The following NAALADL2 variants were observed in gnomAD, a reference collection of about 807,000 sequenced individuals.
NAALADL2 encodes N-acetylated alpha-linked acidic dipeptidase like 2.
In NAALADL2, 76 loss-of-function variants were observed where a neutral mutation model predicts 87.2. That is an observed-to-expected ratio of 0.87 (90% CI 0.72 to 1.05). The LOEUF is 1.05. Ranked by LOEUF, NAALADL2 falls within the 50% of genes least tolerant of loss-of-function variation. NAALADL2 has a pLI of 0.00. For missense variants in NAALADL2, 1,089 were observed against 945.8 expected (o/e 1.15, Z -1.99); for synonymous variants, 354 against 331.0 (o/e 1.07, Z -0.75).
Position 175,156,258 on chromosome 3 carries a change from A to C in NAALADL2, c.545+58967A>C, listed in dbSNP as rs577348360. Reference sequence around the variant, plus strand: ...TGAAGAGAATCATGGATTTAAAATGAGACCAGAATGCTTTTGATGCATGTT... The same window carrying C: ...TGAAGAGAATCATGGATTTAAAATGCGACCAGAATGCTTTTGATGCATGTT... On this transcript the variant is annotated intron_variant, in intron 2 of 13. Coordinates refer to ENST00000454872, the MANE Select transcript of NAALADL2 (RefSeq NM_207015.3). Among the ~76,000 whole-genome samples, 32 of 152,272 alleles carry C rather than the reference A, an allele frequency of 2.1e-4. No individual in the cohort carries two copies. The South Asian group carries it at 6.0e-3, about 29-fold the overall frequency.
intron 1 of NAALADL2, among the ~76,000 whole-genome samples, chr3:175,040,915 A>C (rs1754005850): frequency 6.6e-6 from 1 of 152,154 alleles, no homozygotes; most frequent in African/African-American, 2.4e-5. Flanking sequence ...ATGCCTGAGC[A>C]CACAGCAAGT....
Position 174,757,561 on chromosome 3 carries a change from G to A in NAALADL2, c.-9+19815G>A, listed in dbSNP as rs531891347. ...GGCTGGAGTGCAGTGGCATGATCTC[G>A]GCTCACTGCAAAGTCCGCCTCCTGG... On this transcript the variant is annotated intron_variant, in intron 3 of 3. Coordinates refer to the NAALADL2 transcript ENST00000434257. Among the ~76,000 whole-genome samples, 42 of 151,800 alleles carry A rather than the reference G, an allele frequency of 2.8e-4. No individual in the cohort carries two copies. The East Asian group carries it at 6.8e-3, about 24-fold the overall frequency.
intron 11 of NAALADL2, among the ~76,000 whole-genome samples, chr3:175,638,543 G>T (rs993638389): frequency 1.3e-5 from 2 of 151,928 alleles, no homozygotes; most frequent in African/African-American, 4.8e-5. Context: ...CCTAGACCTT[G>T]TGTCTTAAGT....
chr3:175,063,461 T>C (rs1713942957), intron 1 of NAALADL2, among the ~76,000 whole-genome samples: 1 of 151,610 alleles, frequency 6.6e-6, no homozygotes, highest in South Asian at 2.1e-4. Flanking sequence ...AAAATATATA[T>C]AAACAGCCTG....
In NAALADL2 at chr3:175,487,495, A is replaced by G. The variant is rs1230266484; in HGVS notation, c.1653+15737A>G. The G allele has an allele frequency of 8.8e-6, 4 of 456,534 alleles. No individual in the cohort carries two copies. In the Admixed American group the frequency reaches 9.4e-5, roughly 11 times the overall value. 28.3% of individuals were successfully genotyped at this position (456,534 alleles called of 1,614,324 possible). ...TGCCCATCCAAAGCACTATCCATGA[A>G]CTAAGAGCAGATTTCTGTGTTTCTT... On this transcript the variant is annotated intron_variant, in intron 9 of 13. Coordinates refer to ENST00000454872, the MANE Select transcript of NAALADL2 (RefSeq NM_207015.3).
At chr3:175,718,707 C>G in intron 11 of NAALADL2, 3 of 1,468,324 alleles carry the variant, frequency 2.0e-6, no homozygotes, top group South Asian at 1.2e-5. Context: ...TGGAAGATCA[C>G]TTGAGGCGTG....
chr3:175,000,409 T>C (rs1167955653), intron 1 of NAALADL2, among the ~76,000 whole-genome samples: 1 of 152,182 alleles, frequency 6.6e-6, no homozygotes, highest in African/African-American at 2.4e-5. Context: ...TTTTCAACTT[T>C]GCTGGGCATA....
intron 3 of NAALADL2, among the ~76,000 whole-genome samples, chr3:174,818,793 GT>G (rs2109322274): frequency 6.6e-6 from 1 of 152,216 alleles, no homozygotes; most frequent in South Asian, 2.1e-4. Context: ...TTAGCAATAA[GT>G]TTAATGGCAT....
intron 11 of NAALADL2, chr3:175,676,531 A>G (rs1347054127): frequency 1.3e-5 from 2 of 152,166 alleles, no homozygotes; most frequent in East Asian, 1.9e-4. Flanking sequence ...TTCTTCATGC[A>G]GAATCAGAGC....
chr3:174,821,151 G>C (rs1721376634), intron 3 of NAALADL2, among the ~76,000 whole-genome samples: 1 of 152,120 alleles, frequency 6.6e-6, no homozygotes, highest in Admixed American at 6.5e-5. Flanking sequence ...TAAATAGTTT[G>C]GAGAAGGAAC....
chr3:174,486,666 A>G (rs1045593164), intron 1 of NAALADL2, among the ~76,000 whole-genome samples: 7 of 151,744 alleles, frequency 4.6e-5, no homozygotes, highest in Non-Finnish European at 7.4e-5. Flanking sequence ...TCTGCTTTTT[A>G]CTCTTTGTTA....
chr3:175,097,156 T>C lies in NAALADL2; in HGVS notation c.410T>C (p.Ile137Thr), dbSNP rs1358097038. Residue 137 changes from isoleucine (I) to threonine (T), a missense_variant, in exon 2 of 14, where the codon ATT becomes ACT. By Grantham distance (89) the Ile-to-Thr change is moderately conservative. Transcript: ENST00000454872. Reference sequence around the variant, plus strand: ...CTTTGCACAGCCACCATTTTATTTATTTTTGGGATTTTGATAGGTTATTAT... The same window carrying C: ...CTTTGCACAGCCACCATTTTATTTACTTTTGGGATTTTGATAGGTTATTAT... ...KILCTATILFIFGILIGYYVH... is the reference protein window; with the variant it reads ...KILCTATILFTFGILIGYYVH... 6 of 1,613,610 alleles carry C rather than the reference T, an allele frequency of 3.7e-6. No individual in the cohort carries two copies. The highest frequency in any genetic ancestry group is 5.1e-6 in the Non-Finnish European group (6 of 1,179,694).
intron 3 of NAALADL2, among the ~76,000 whole-genome samples, chr3:174,798,053 C>A (rs914242176): frequency 6.6e-6 from 1 of 152,054 alleles, no homozygotes; most frequent in Admixed American, 6.6e-5. Context: ...AATGGAAGAC[C>A]AACTGTGTTC....
chr3:174,793,514 C>T (rs188943182), intron 3 of NAALADL2, among the ~76,000 whole-genome samples: 1 of 152,180 alleles, frequency 6.6e-6, no homozygotes, highest in East Asian at 1.9e-4. Context: ...AAATCACCAC[C>T]AAAGCTGTGG....
chr3:175,759,011 A>C (rs9833195), intron 13 of NAALADL2, among the ~76,000 whole-genome samples: 27,866 of 152,110 alleles, frequency 0.18, 3,211 homozygotes, highest in African/African-American at 0.33. Flanking sequence ...AATAAAAGTG[A>C]CACTAAACAC....
chr3:174,613,589 C>T (rs964067726), intron 2 of NAALADL2, among the ~76,000 whole-genome samples: 2 of 152,170 alleles, frequency 1.3e-5, no homozygotes, highest in Non-Finnish European at 2.9e-5. Context: ...GGGACAACTG[C>T]CAGGCTACTG....
At chr3:174,658,194 A>T (rs763733096) in intron 2 of NAALADL2, among the ~76,000 whole-genome samples, 7 of 152,174 alleles carry the variant, frequency 4.6e-5, no homozygotes, top group Admixed American at 2.6e-4. Context: ...AGAAACCACC[A>T]AACTGTCTTC....
chr3:175,073,578 AT>A (rs1168419720), intron 1 of NAALADL2, among the ~76,000 whole-genome samples: 6 of 151,934 alleles, frequency 3.9e-5, no homozygotes, highest in Non-Finnish European at 7.4e-5. Flanking sequence ...TTCGAGTGTT[AT>A]TTTTTTAACC....
At chr3:175,558,731 T>C (rs917957387) in intron 9 of NAALADL2, among the ~76,000 whole-genome samples, 9 of 152,210 alleles carry the variant, frequency 5.9e-5, no homozygotes, top group African/African-American at 2.2e-4. Flanking sequence ...ATGATTTTAC[T>C]GTATATGTAT....
Sources: allele counts gnomAD v4.1 joint callset (sites outside exome capture counted in the v4.1 genomes callset), GRCh38; gene constraint gnomAD v4.1.1; transcripts MANE v1.5; gene names NCBI Gene and HGNC (gene_info 2026-07-23, HGNC 2026-07-21).